The following ANO10 variants were observed in gnomAD, a reference collection of about 807,000 sequenced individuals.
The protein encoded by ANO10 is anoctamin-10.
Under a neutral mutation model 74.7 loss-of-function variants are expected in ANO10, and 77 were observed. The ratio of observed to expected loss-of-function variants is 1.03; its 90% confidence interval spans 0.86 to 1.25. The LOEUF (loss-of-function observed/expected upper bound fraction) is 1.25, where lower values mean the gene tolerates loss of function less well. Ranked by LOEUF, ANO10 falls within the 50% of genes most tolerant of loss-of-function variation. The probability of loss-of-function intolerance (pLI) is 0.00; values close to 1 mark genes in which losing one functional copy is unlikely to be tolerated. For synonymous variants in ANO10, 279 were observed against 284.9 expected (o/e 0.98, Z 0.21); for missense variants, 721 against 778.1 (o/e 0.93, Z 0.87).
At chr3:43,511,510 C>T (rs1199086200) in intron 11 of ANO10, among the ~76,000 whole-genome samples, 1 of 152,152 alleles carries the variant, frequency 6.6e-6, no homozygotes, top group East Asian at 1.9e-4. Context: ...ACTTAAGCAT[C>T]TTTCTTCACG....
At chr3:43,566,268 C>G (rs1255347072) in intron 7 of ANO10, among the ~76,000 whole-genome samples, 1 of 152,192 alleles carries the variant, frequency 6.6e-6, no homozygotes, top group Non-Finnish European at 1.5e-5. Flanking sequence ...GAGGGGCGCC[C>G]GCCATTGCCC....
intron 1 of ANO10, among the ~76,000 whole-genome samples, chr3:43,689,789 G>A (rs1029551463): frequency 2.0e-5 from 3 of 152,174 alleles, no homozygotes; most frequent in Non-Finnish European, 4.4e-5. Context: ...CAGGGAAGGA[G>A]AACAATGAAC....
At chr3:43,435,965 C>T (rs1047811837) in intron 11 of ANO10, among the ~76,000 whole-genome samples, 1 of 152,146 alleles carries the variant, frequency 6.6e-6, no homozygotes. Flanking sequence ...TAAAGAGAAG[C>T]AGAAAGGAGC....
intron 4 of ANO10, among the ~76,000 whole-genome samples, chr3:43,595,802 G>C (rs2082049936): frequency 6.6e-6 from 1 of 152,106 alleles, no homozygotes; most frequent in Non-Finnish European, 1.5e-5. Flanking sequence ...TATTCAATTA[G>C]GAAAAGAGGA....
At chr3:43,522,465 C>G (rs1289001514) in intron 11 of ANO10, among the ~76,000 whole-genome samples, 2 of 152,114 alleles carry the variant, frequency 1.3e-5, no homozygotes, top group African/African-American at 2.4e-5. Context: ...GCACAAGATC[C>G]TCCTAAGTCT....
intron 12 of ANO10, among the ~76,000 whole-genome samples, chr3:43,373,946 C>T (rs543852301): frequency 6.6e-6 from 1 of 152,318 alleles, no homozygotes; most frequent in South Asian, 2.1e-4. Context: ...CGCCTCTGTC[C>T]TTTCATGTTC....
Position 43,648,673 on chromosome 3 carries a change from C to CTTTT in ANO10, c.-11-42814_-11-42811dup, listed in dbSNP as rs57098436. Among the ~76,000 whole-genome samples, 46 of 111,256 alleles carry CTTTT rather than the reference C, an allele frequency of 4.1e-4. 1 individual carries two copies. The highest frequency in any genetic ancestry group is 1.6e-3 in the African/African-American group (43 of 26,592). The allele number at this position is 111,256 out of a possible 152,430, so 73.0% of individuals were successfully genotyped here. Reference sequence around the variant, plus strand: ...CTTGGTTTTGGTGGGTTTTAGCCCGCTTTTTTTTTTTTTTTTTTTTTAAGA... The same window carrying CTTTT: ...CTTGGTTTTGGTGGGTTTTAGCCCGCTTTTTTTTTTTTTTTTTTTTTTTTTAAGA... On this transcript the variant is annotated intron_variant, in intron 1 of 3. Transcript: ENST00000413397.
chr3:43,598,087 A>G (rs1361049774), intron 4 of ANO10, among the ~76,000 whole-genome samples: 1 of 152,250 alleles, frequency 6.6e-6, no homozygotes, highest in African/African-American at 2.4e-5. Flanking sequence ...TCTGCAAACT[A>G]GTATCTTCAT....
chr3:43,490,908 G>T (rs964351527), intron 11 of ANO10, among the ~76,000 whole-genome samples: 3 of 152,178 alleles, frequency 2.0e-5, no homozygotes, highest in African/African-American at 7.2e-5. Flanking sequence ...GGGAAAGGCA[G>T]TCTCCTAATA....
chr3:43,484,473 G>C (rs2076387898), intron 11 of ANO10, among the ~76,000 whole-genome samples: 1 of 152,158 alleles, frequency 6.6e-6, no homozygotes, highest in South Asian at 2.1e-4. Flanking sequence ...CCCCCCACAA[G>C]AGACAGTTTT....
At chr3:43,595,179 G>C (rs2149464056) in intron 4 of ANO10, among the ~76,000 whole-genome samples, 1 of 152,266 alleles carries the variant, frequency 6.6e-6, no homozygotes, top group South Asian at 2.1e-4. Context: ...AATTCTACCA[G>C]AGGTACAAAG....
At chr3:43,600,040 T>G (rs953290632) in intron 3 of ANO10, among the ~76,000 whole-genome samples, 9 of 152,230 alleles carry the variant, frequency 5.9e-5, no homozygotes, top group African/African-American at 2.2e-4. Context: ...ATTATAAGAA[T>G]TAGAATAGAA....
chr3:43,578,197 G>A (rs375631573), intron 5 of ANO10, among the ~76,000 whole-genome samples: 2 of 152,126 alleles, frequency 1.3e-5, no homozygotes, highest in African/African-American at 2.4e-5. Flanking sequence ...CCTAACCCAA[G>A]AGCAAATGAA....
intron 11 of ANO10, among the ~76,000 whole-genome samples, chr3:43,486,374 T>C (rs545633449): frequency 3.3e-5 from 5 of 152,126 alleles, no homozygotes; most frequent in Admixed American, 2.0e-4. Context: ...GGGGATGGCA[T>C]TGAATCTGTA....
At chr3:43,430,493 A>G (rs2092964525) in intron 12 of ANO10, among the ~76,000 whole-genome samples, 1 of 152,066 alleles carries the variant, frequency 6.6e-6, no homozygotes, top group Non-Finnish European at 1.5e-5. Flanking sequence ...ATAAAGTATA[A>G]TAATTTTCCC....
intron 1 of ANO10, among the ~76,000 whole-genome samples, chr3:43,683,549 T>A (rs1470202716): frequency 2.0e-5 from 3 of 152,154 alleles, no homozygotes; most frequent in Admixed American, 6.6e-5. Flanking sequence ...AAGCTACCAA[T>A]GACTTTCTTC....
intron 11 of ANO10, among the ~76,000 whole-genome samples, chr3:43,461,889 C>T (rs753570460): frequency 2.1e-4 from 32 of 152,070 alleles, no homozygotes; most frequent in Admixed American, 1.2e-3. Context: ...GGCAGAGGTT[C>T]GAACAGTTAG....
rs1000709004 is a variant in ANO10 at position 43,384,306 on chromosome 3, A to C, written c.1915-17332T>G. On this transcript the variant is annotated intron_variant, in intron 12 of 12. Coordinates refer to ENST00000292246, the MANE Select transcript of ANO10 (RefSeq NM_018075.5). Reference sequence around the variant, plus strand: ...ACACAAACAAATGGAAACACATCCCATGCTCATGGATGGGTAGAATCAATA... The same window carrying C: ...ACACAAACAAATGGAAACACATCCCCTGCTCATGGATGGGTAGAATCAATA... Among the ~76,000 whole-genome samples the C allele has an allele frequency of 7.2e-5, 11 of 152,360 alleles. No individual in the cohort carries two copies. The East Asian group carries it at 7.7e-4, about 11-fold the overall frequency.
At chr3:43,627,958 C>T (rs1190014469) in intron 1 of ANO10, among the ~76,000 whole-genome samples, 2 of 152,070 alleles carry the variant, frequency 1.3e-5, no homozygotes, top group East Asian at 1.9e-4. Context: ...GCTATCTAGG[C>T]TTACCACAAT....
Sources: allele counts gnomAD v4.1 joint callset (sites outside exome capture counted in the v4.1 genomes callset), GRCh38; gene constraint gnomAD v4.1.1; transcripts MANE v1.5; gene names NCBI Gene and HGNC (gene_info 2026-07-23, HGNC 2026-07-21).